METTL15: variants seen among roughly 807,000 people sequenced by gnomAD.
The protein encoded by METTL15 is 12S rRNA N(4)-cytidine methyltransferase METTL15.
In METTL15, 34 loss-of-function variants were observed where a neutral mutation model predicts 38.3. That is an observed-to-expected ratio of 0.89 (90% CI 0.68 to 1.18). The LOEUF (loss-of-function observed/expected upper bound fraction) is 1.18. Ranked by LOEUF, METTL15 falls within the 50% of genes most tolerant of loss-of-function variation. The pLI, the probability that METTL15 is intolerant of heterozygous loss-of-function variation, is 0.00. For synonymous variants in METTL15, 162 were observed against 170.9 expected (o/e 0.95, Z 0.41); for missense variants, 438 against 498.4 (o/e 0.88, Z 1.15).
chr11:28,426,596 T>C (rs923544436), intron 6 of METTL15, among the ~76,000 whole-genome samples: 5 of 151,102 alleles, frequency 3.3e-5, no homozygotes, highest in Admixed American at 2.6e-4. Context: ...TTTTTTTTTT[T>C]TTTTTTTTTT....
intron 6 of METTL15, chr11:28,328,270 T>C: frequency 9.1e-7 from 1 of 1,101,280 alleles, no homozygotes; most frequent in South Asian, 1.8e-5. Flanking sequence ...CTCCAGACTT[T>C]TGGCAAAGTA....
chr11:28,388,739 G>A (rs1343467248), intron 5 of METTL15, among the ~76,000 whole-genome samples: 1 of 151,922 alleles, frequency 6.6e-6, no homozygotes, highest in African/African-American at 2.4e-5. Flanking sequence ...GTGCAGGTTT[G>A]TTACATATGT....
At chr11:28,396,925 G>A (rs1850576125) in intron 5 of METTL15, among the ~76,000 whole-genome samples, 1 of 152,094 alleles carries the variant, frequency 6.6e-6, no homozygotes, top group South Asian at 2.1e-4. Context: ...AGAGCCCTCA[G>A]AAATAATACC....
rs550503562 is a variant in METTL15, at chr11:28,430,854, G to A, written c.*424+6490G>A. Reference sequence around the variant, plus strand: ...GCCGCCTGGTCCGGGAGGGAGGTGGGGGGGGTCAGCCCCCCGCCCGGCCAG... The same window carrying A: ...GCCGCCTGGTCCGGGAGGGAGGTGGAGGGGGTCAGCCCCCCGCCCGGCCAG... On this transcript the variant is annotated intron_variant and NMD_transcript_variant, in intron 6 of 7. Coordinates refer to the METTL15 transcript ENST00000532947. Among the ~76,000 whole-genome samples, 540 of 111,672 alleles carry A rather than the reference G, an allele frequency of 4.8e-3. 5 individuals are homozygous for A. Among genetic ancestry groups the A allele is most frequent in the African/African-American group, 9.9e-3 (299 of 30,150 alleles). The allele number at this position is 111,672 out of a possible 152,430, so 73.3% of individuals were successfully genotyped here.
At chr11:28,403,513 G>A (rs1175243903) in intron 5 of METTL15, among the ~76,000 whole-genome samples, 1 of 151,994 alleles carries the variant, frequency 6.6e-6, no homozygotes, top group Non-Finnish European at 1.5e-5. Flanking sequence ...ATCTAGAATA[G>A]GGGTTAATAA....
chr11:28,121,279 CTT>C (rs1852221637), intron 3 of METTL15, among the ~76,000 whole-genome samples: 1 of 152,054 alleles, frequency 6.6e-6, no homozygotes, highest in East Asian at 1.9e-4. Context: ...GTGCTTGACT[CTT>C]AGTGGGAGGG....
At chr11:28,197,929 G>T (rs947419816) in intron 3 of METTL15, among the ~76,000 whole-genome samples, 1 of 152,020 alleles carries the variant, frequency 6.6e-6, no homozygotes, top group Non-Finnish European at 1.5e-5. Context: ...TGCCAAAAAA[G>T]ATTTTTTTGA....
chr11:28,231,776 C>G (rs1853694862), intron 4 of METTL15, among the ~76,000 whole-genome samples: 1 of 151,852 alleles, frequency 6.6e-6, no homozygotes, highest in Admixed American at 6.6e-5. Flanking sequence ...CAGATACTTC[C>G]AATTTGATTT....
chr11:28,291,754 G>C (rs1257424990), intron 5 of METTL15, among the ~76,000 whole-genome samples: 1 of 138,882 alleles, frequency 7.2e-6, no homozygotes, highest in Non-Finnish European at 1.6e-5. Context: ...GTTGTGTAGA[G>C]GTAATAAAAC....
intron 4 of METTL15, chr11:28,287,197 TTC>T: frequency 4.8e-6 from 1 of 208,728 alleles, no homozygotes; most frequent in Non-Finnish European, 9.4e-6. Context: ...TGTGTGTGTG[TTC>T]ATGAGGCATT....
chr11:28,342,905 G>A (rs1202298954), intron 3 of METTL15, among the ~76,000 whole-genome samples: 3 of 152,124 alleles, frequency 2.0e-5, no homozygotes, highest in African/African-American at 7.2e-5. Flanking sequence ...TTGATAATGT[G>A]CTTTTGAAAG....
intron 5 of METTL15, among the ~76,000 whole-genome samples, chr11:28,400,891 C>G (rs1850624461): frequency 6.6e-6 from 1 of 151,970 alleles, no homozygotes; most frequent in Non-Finnish European, 1.5e-5. Flanking sequence ...ATTGAAAACA[C>G]TGAAGAGCAG....
intron 6 of METTL15, among the ~76,000 whole-genome samples, chr11:28,492,083 A>AT (rs1293609161): frequency 2.0e-5 from 3 of 152,180 alleles, no homozygotes; most frequent in Admixed American, 2.0e-4. Context: ...ATGGCAACAA[A>AT]TATGTCTGAG....
At chr11:28,144,209 T>C (rs979314286) in intron 3 of METTL15, among the ~76,000 whole-genome samples, 15 of 152,118 alleles carry the variant, frequency 9.9e-5, no homozygotes, top group African/African-American at 3.6e-4. Context: ...TATGTGTATG[T>C]CAATATTTTC....
intron 6 of METTL15, among the ~76,000 whole-genome samples, chr11:28,458,081 G>A (rs79079565): frequency 0.037 from 5,658 of 152,186 alleles, 354 homozygotes; most frequent in African/African-American, 0.13. Flanking sequence ...GAGGAGATGG[G>A]GTGACTTTCG....
At chr11:28,487,859 T>G (rs1851451021) in intron 6 of METTL15, among the ~76,000 whole-genome samples, 1 of 152,270 alleles carries the variant, frequency 6.6e-6, no homozygotes, top group African/African-American at 2.4e-5. Context: ...ATCTATAGTT[T>G]GGAAGTAAGA....
At chr11:28,213,973 C>T (rs1265147344) in intron 4 of METTL15, among the ~76,000 whole-genome samples, 1 of 152,090 alleles carries the variant, frequency 6.6e-6, no homozygotes, top group Non-Finnish European at 1.5e-5. Context: ...GCCTTTTACA[C>T]TAATCCTGAC....
At chr11:28,147,330 A>T (rs1165467274) in intron 3 of METTL15, among the ~76,000 whole-genome samples, 1 of 151,842 alleles carries the variant, frequency 6.6e-6, no homozygotes, top group South Asian at 2.1e-4. Context: ...AAAATTCAGG[A>T]GAAGCATTTG....
intron 6 of METTL15, among the ~76,000 whole-genome samples, chr11:28,497,669 C>T (rs1381028942): frequency 6.6e-6 from 1 of 152,142 alleles, no homozygotes; most frequent in Non-Finnish European, 1.5e-5. Flanking sequence ...GGGCTTGGTG[C>T]CTGCTTCCAA....
Sources: gnomAD v4.1 joint callset for allele counts (sites outside exome capture counted in the v4.1 genomes callset) on GRCh38, gnomAD v4.1.1 for gene constraint, MANE v1.5 for transcripts, NCBI Gene and HGNC (gene_info 2026-07-23, HGNC 2026-07-21) for gene names.